The following DPP10 variants were observed in gnomAD, a reference collection of about 807,000 sequenced individuals.
DPP10 encodes the protein inactive dipeptidyl peptidase 10.
DPP10 carries 33 observed loss-of-function variants against 120.9 expected under a neutral mutation model. The observed-to-expected ratio is 0.27, with a 90% CI of 0.21 to 0.37. DPP10 has a LOEUF of 0.37. Ranked by LOEUF, DPP10 falls within the 10% of genes least tolerant of loss-of-function variation. The pLI is 1.00. For missense variants in DPP10, 816 were observed against 942.8 expected, an observed-to-expected ratio of 0.87 and a Z score of 1.76; for synonymous variants, 337 against 326.1, an observed-to-expected ratio of 1.03 and a Z score of -0.36.
intron 3 of DPP10, among the ~76,000 whole-genome samples, chr2:115,473,547 C>A (rs2074871250): frequency 6.6e-6 from 1 of 152,058 alleles, no homozygotes; most frequent in Admixed American, 6.6e-5. Flanking sequence ...TAACAATTAT[C>A]AATATCAGCC....
chr2:115,110,552 TTAAA>T (rs1249609078), intron 1 of DPP10, among the ~76,000 whole-genome samples: 1 of 152,094 alleles, frequency 6.6e-6, no homozygotes, highest in Non-Finnish European at 1.5e-5. Flanking sequence ...TATAATGTAT[TTAAA>T]TAGTTTTTTG....
At chr2:115,159,486 G>C (rs919555287) in intron 1 of DPP10, among the ~76,000 whole-genome samples, 1 of 152,008 alleles carries the variant, frequency 6.6e-6, no homozygotes, top group African/African-American at 2.4e-5. Flanking sequence ...TTTTTCTTCA[G>C]TAAGAAATTA....
rs368487011 is a variant in DPP10 at position 114,940,242 on chromosome 2, ACT to A, written c.61-368993_61-368992del. Among the ~76,000 whole-genome samples the A allele has an allele frequency of 3.0e-4, 45 of 152,170 alleles. No homozygotes were observed. The East Asian group carries it at 8.5e-3, about 29-fold the overall frequency. The stretch of plus-strand genomic sequence containing the variant: ...AAGCCTATAACTGTAACACTGTGAA[ACT>A]CTCAGAAATTGCTCTATTACACCAA... On this transcript the variant is annotated intron_variant, in intron 1 of 25. Transcript: ENST00000410059.
At chr2:115,530,262 A>G (rs1376233903) in intron 5 of DPP10, among the ~76,000 whole-genome samples, 2 of 152,246 alleles carry the variant, frequency 1.3e-5, no homozygotes, top group Non-Finnish European at 2.9e-5. Flanking sequence ...ATGCTCACAT[A>G]AATTGAATTA....
intron 1 of DPP10, among the ~76,000 whole-genome samples, chr2:115,260,048 A>T (rs1372710199): frequency 1.3e-5 from 2 of 151,302 alleles, no homozygotes; most frequent in East Asian, 1.9e-4. Flanking sequence ...AATTTATACA[A>T]TTCATTCACG....
intron 3 of DPP10, among the ~76,000 whole-genome samples, chr2:115,444,385 C>A (rs2072372426): frequency 6.6e-6 from 1 of 152,136 alleles, no homozygotes; most frequent in Admixed American, 6.5e-5. Flanking sequence ...TTCCAAAGAT[C>A]TTTGAACATA....
chr2:115,253,871 G>A (rs987747178), intron 1 of DPP10, among the ~76,000 whole-genome samples: 4 of 152,200 alleles, frequency 2.6e-5, no homozygotes, highest in Non-Finnish European at 5.9e-5. Context: ...ACTAGGCAAT[G>A]CCACAGTGGG....
At chr2:114,933,216 A>G (rs1696210519) in intron 1 of DPP10, among the ~76,000 whole-genome samples, 1 of 152,208 alleles carries the variant, frequency 6.6e-6, no homozygotes. Flanking sequence ...TACATAAATA[A>G]CTAGTTAGAA....
At chr2:115,808,542 C>G (rs748501224) in intron 19 of DPP10, among the ~76,000 whole-genome samples, 1 of 152,106 alleles carries the variant, frequency 6.6e-6, no homozygotes, top group Non-Finnish European at 1.5e-5. Flanking sequence ...TCATTTAATC[C>G]CTGCCATAAC....
chr2:115,825,607 A>T (rs777586498), intron 21 of DPP10, among the ~76,000 whole-genome samples: 3 of 152,162 alleles, frequency 2.0e-5, no homozygotes, highest in Non-Finnish European at 4.4e-5. Context: ...TCAAACTCCA[A>T]TTCAAACCTT....
intron 1 of DPP10, among the ~76,000 whole-genome samples, chr2:114,730,567 G>GT (rs928631527): frequency 1.4e-4 from 21 of 152,060 alleles, no homozygotes; most frequent in African/African-American, 4.8e-4. Context: ...CATGGGTTTT[G>GT]TTTTTTGTTT....
At chr2:114,752,223 C>T (rs1679299548) in intron 1 of DPP10, among the ~76,000 whole-genome samples, 1 of 152,170 alleles carries the variant, frequency 6.6e-6, no homozygotes, top group South Asian at 2.1e-4. Flanking sequence ...CTTCCCCTGC[C>T]ATGTGCTGGT....
chr2:115,531,849 G>A (rs1390994397), intron 5 of DPP10, among the ~76,000 whole-genome samples: 2 of 151,954 alleles, frequency 1.3e-5, no homozygotes, highest in Admixed American at 6.6e-5. Flanking sequence ...GATTAATTCT[G>A]CCTGTTTTTG....
chr2:115,168,545 A>G lies in DPP10; in HGVS notation c.61-140694A>G, dbSNP rs2053076452. ...AGCATACTCTTGTTTTAAAGTTTTT[A>G]TTGACCTGATCCACAAGTTTTCTGG... On this transcript the variant is annotated intron_variant, in intron 1 of 25. Coordinates refer to ENST00000410059, the MANE Select transcript of DPP10 (RefSeq NM_020868.6). Among the ~76,000 whole-genome samples, 3 of 152,122 alleles carry G rather than the reference A, an allele frequency of 2.0e-5. No individual in the cohort carries two copies. In the South Asian group the frequency reaches 6.2e-4, roughly 31 times the overall value.
At chr2:115,443,262 A>G (rs1412074069) in intron 3 of DPP10, among the ~76,000 whole-genome samples, 1 of 152,192 alleles carries the variant, frequency 6.6e-6, no homozygotes, top group Non-Finnish European at 1.5e-5. Context: ...AAGGCAGAAG[A>G]TATTCAAAAG....
At chr2:114,576,514 T>C (rs993301262) in intron 1 of DPP10, among the ~76,000 whole-genome samples, 22 of 152,208 alleles carry the variant, frequency 1.4e-4, no homozygotes, top group Non-Finnish European at 2.9e-5. Context: ...CCTATCTCTC[T>C]GTCTCTCTTT....
At chr2:115,604,486 T>C (rs568284520) in intron 5 of DPP10, among the ~76,000 whole-genome samples, 1 of 152,288 alleles carries the variant, frequency 6.6e-6, no homozygotes, top group Admixed American at 6.5e-5. Context: ...CAATAGAACA[T>C]AACAGCAGTC....
chr2:114,691,211 T>C (rs1036224685), intron 1 of DPP10, among the ~76,000 whole-genome samples: 1 of 152,102 alleles, frequency 6.6e-6, no homozygotes, highest in African/African-American at 2.4e-5. Flanking sequence ...TTGTTATATA[T>C]GGCTTTTATT....
At chr2:115,074,710 C>G (rs767557680) in intron 1 of DPP10, among the ~76,000 whole-genome samples, 2 of 152,106 alleles carry the variant, frequency 1.3e-5, no homozygotes, top group Admixed American at 6.5e-5. Flanking sequence ...TGATGACACC[C>G]TGGACTAGGT....
Sources: allele counts gnomAD v4.1 joint callset (sites outside exome capture counted in the v4.1 genomes callset), GRCh38; gene constraint gnomAD v4.1.1; transcripts MANE v1.5; gene names NCBI Gene and HGNC (gene_info 2026-07-23, HGNC 2026-07-21).